Variants in FREM1 observed in about 807,000 individuals in gnomAD.
FREM1 encodes FRAS1 related extracellular matrix 1.
Under a neutral mutation model 210.1 loss-of-function variants are expected in FREM1, and 220 were observed. That is an observed-to-expected ratio of 1.05 (90% CI 0.94 to 1.17). The LOEUF (loss-of-function observed/expected upper bound fraction) is 1.17, where lower values mean the gene tolerates loss of function less well. Ranked by LOEUF, FREM1 falls within the 50% of genes most tolerant of loss-of-function variation. The probability of loss-of-function intolerance (pLI) is 0.00; values close to 1 mark genes in which losing one functional copy is unlikely to be tolerated. For missense variants in FREM1, 3,454 were observed against 2,675.5 expected (o/e 1.29, Z -6.42); for synonymous variants, 1,189 against 980.2 (o/e 1.21, Z -3.98).
intron 2 of FREM1, among the ~76,000 whole-genome samples, chr9:14,867,748 C>T (rs1210497512): frequency 6.6e-6 from 1 of 152,148 alleles, no homozygotes; most frequent in Non-Finnish European, 1.5e-5. Flanking sequence ...GAGAATGGTC[C>T]ATTTTTCCAG....
chr9:14,805,969 A>C (rs1818270698), intron 18 of FREM1, among the ~76,000 whole-genome samples: 1 of 152,044 alleles, frequency 6.6e-6, no homozygotes, highest in African/African-American at 2.4e-5. Flanking sequence ...CACCCTTTCC[A>C]CCAATATCTA....
intron 1 of FREM1, among the ~76,000 whole-genome samples, chr9:14,870,275 C>T (rs79644817): frequency 6.6e-6 from 1 of 152,282 alleles, no homozygotes; most frequent in African/African-American, 2.4e-5. Flanking sequence ...CTGTTTGCAA[C>T]CTTTCACTTT....
intron 24 of FREM1, among the ~76,000 whole-genome samples, chr9:14,777,541 G>A (rs570608554): frequency 3.9e-5 from 6 of 151,946 alleles, no homozygotes; most frequent in African/African-American, 4.8e-5. Flanking sequence ...CTATTCCACC[G>A]ATACAAAAAC....
chr9:14,737,776 A>G (rs1840670315), intron 36 of FREM1, among the ~76,000 whole-genome samples, 181 bp from the exon 37 acceptor site: 1 of 152,202 alleles, frequency 6.6e-6, no homozygotes, highest in Admixed American at 6.5e-5. Context: ...GTCCAATTCT[A>G]GCTCTACCAC....
At chr9:14,743,681 G>A (rs1453322645) in intron 35 of FREM1, among the ~76,000 whole-genome samples, 1 of 152,070 alleles carries the variant, frequency 6.6e-6, no homozygotes, top group Non-Finnish European at 1.5e-5. Flanking sequence ...TTCAAGGTGG[G>A]AAGTTCTGTT....
At chr9:14,851,107 G>C (rs989805619) in intron 6 of FREM1, among the ~76,000 whole-genome samples, 177 bp downstream of exon 6, 2 of 152,140 alleles carry the variant, frequency 1.3e-5, no homozygotes, top group African/African-American at 4.8e-5. Context: ...AGTGGGGTTT[G>C]CTCATTGACC....
At chr9:14,759,459 G>A (rs1449674267) in intron 28 of FREM1, among the ~76,000 whole-genome samples, 3 of 150,234 alleles carry the variant, frequency 2.0e-5, no homozygotes, top group East Asian at 2.0e-4. Flanking sequence ...GCTGTGAGCC[G>A]AGATTGTGCC....
At chr9:14,739,168 A>G (rs1171163907) in intron 36 of FREM1, among the ~76,000 whole-genome samples, 1 of 151,748 alleles carries the variant, frequency 6.6e-6, no homozygotes, top group East Asian at 1.9e-4. Context: ...CAGTGGCACA[A>G]TCACGGCTCA....
At position 14,770,453 on chromosome 9, in the gene FREM1, T is replaced by C. The variant is rs191595596; in HGVS notation, c.5059+152A>G. On this transcript the variant is annotated intron_variant, in intron 26 of 36. Coordinates refer to ENST00000380880, the MANE Select transcript of FREM1 (RefSeq NM_001379081.2). ...TAGGAAGGCTCAGCTTCAAACCCTC[T>C]TTAGGAGCAATATTGATTTATAAAC... Among the ~76,000 whole-genome samples the C allele has an allele frequency of 2.2e-3, 337 of 152,288 alleles. 2 individuals are homozygous for C. Among genetic ancestry groups the C allele is most frequent in the Middle Eastern group, 3.4e-3 (1 of 294 alleles).
intron 23 of FREM1, among the ~76,000 whole-genome samples, chr9:14,788,609 A>G (rs1015766663): frequency 6.6e-6 from 1 of 152,238 alleles, no homozygotes; most frequent in African/African-American, 2.4e-5. Context: ...TCAACTTGGT[A>G]AAATTTTACT....
In FREM1 at chr9:14,861,174, TACATATATAC is replaced by T. The variant is rs1206723991; in HGVS notation, c.330-1700_330-1691del. On this transcript the variant is annotated intron_variant, in intron 3 of 36. Transcript: ENST00000380880. Reference sequence around the variant, plus strand: ...ATATATACGTATATACACATGTATGTACATATATACACATATATACATATATACACACATA... The same window carrying T: ...ATATATACGTATATACACATGTATGTACATATATACATATATACACACATA... 3.1e-5 allele frequency among the ~76,000 whole-genome samples: 4 copies of T among 129,072 alleles called. 1 individual carries two copies. The South Asian group carries it at 7.1e-4, about 23-fold the overall frequency. 84.7% of individuals were successfully genotyped at this position (129,072 alleles called of 152,430 possible).
intron 30 of FREM1, among the ~76,000 whole-genome samples, chr9:14,749,017 A>G (rs1313499018): frequency 2.0e-5 from 3 of 152,194 alleles, no homozygotes; most frequent in Non-Finnish European, 4.4e-5. Flanking sequence ...ACTTTAAAGT[A>G]ATCATTTCCT....
chr9:14,860,584 CATATATATACAT>C (rs1353971182), intron 3 of FREM1, among the ~76,000 whole-genome samples: 1 of 115,700 alleles, frequency 8.6e-6, no homozygotes, highest in Non-Finnish European at 1.6e-5. Flanking sequence ...TATATATACA[CATATATATACAT>C]ATATACACAT....
Position 14,778,745 on chromosome 9 carries a change from G to GAAGGA in FREM1, c.4443-2547_4443-2543dup, listed in dbSNP as rs746442707. Reference sequence around the variant, plus strand: ...GAAGGGAAGGGAAGGGAAGGGAAGGGAAGGAAAGGAAAGGAAGTCAGGCGC... The same window carrying GAAGGA: ...GAAGGGAAGGGAAGGGAAGGGAAGGGAAGGAAAGGAAAGGAAAGGAAGTCAGGCGC... On this transcript the variant is annotated intron_variant, in intron 24 of 36. Transcript: ENST00000380880. Among the ~76,000 whole-genome samples the GAAGGA allele has an allele frequency of 2.2e-4, 30 of 138,688 alleles. No individual in the cohort carries two copies. The South Asian group carries it at 2.7e-3, about 13-fold the overall frequency. 91.0% of individuals were successfully genotyped at this position (138,688 alleles called of 152,430 possible). A position where few individuals can be genotyped will look rare whatever the true frequency, so the allele number is the denominator to read the frequency against.
chr9:14,793,305 A>G (rs908206147), intron 21 of FREM1, among the ~76,000 whole-genome samples: 2 of 152,214 alleles, frequency 1.3e-5, no homozygotes, highest in Non-Finnish European at 2.9e-5. Context: ...TGACTGGCCT[A>G]CAGATGTTCC....
At chr9:14,804,269 T>C (rs1817924961) in intron 19 of FREM1, among the ~76,000 whole-genome samples, 1 of 152,128 alleles carries the variant, frequency 6.6e-6, no homozygotes, top group Admixed American at 6.5e-5. Context: ...TCCAGTAGTC[T>C]CTCTAGGGAA....
At chr9:14,885,019 G>C (rs1016826848) in intron 1 of FREM1, among the ~76,000 whole-genome samples, 1 of 127,378 alleles carries the variant, frequency 7.9e-6, no homozygotes, top group African/African-American at 3.3e-5. Context: ...CCGCCTCCCG[G>C]GTTCACGCCA....
chr9:14,833,029 T>A (rs981928691), intron 10 of FREM1, among the ~76,000 whole-genome samples: 3 of 152,136 alleles, frequency 2.0e-5, no homozygotes, highest in African/African-American at 7.2e-5. Context: ...CTTAGGAACA[T>A]AATCGGTAAC....
At chr9:14,857,799 T>G in intron 4 of FREM1, 50 bp from the exon 5 acceptor site, 1 of 1,395,016 alleles carries the variant, frequency 7.2e-7, no homozygotes, top group Non-Finnish European at 9.8e-7. Flanking sequence ...ATAACAATTG[T>G]AAAATTTAGA....
Sources: allele counts gnomAD v4.1 joint callset (sites outside exome capture counted in the v4.1 genomes callset), GRCh38; gene constraint gnomAD v4.1.1; transcripts MANE v1.5; gene names NCBI Gene and HGNC (gene_info 2026-07-23, HGNC 2026-07-21).